The following ADGRB1 variants were observed in gnomAD, a reference collection of about 807,000 sequenced individuals.
ADGRB1 encodes the protein brain-specific angiogenesis inhibitor 1.
A neutral mutation model predicts 175.7 loss-of-function variants in ADGRB1; 36 were observed. The ratio of observed to expected loss-of-function variants is 0.20; its 90% confidence interval spans 0.16 to 0.27. The LOEUF is 0.27. ADGRB1 is among the 10% of genes least tolerant of loss of function. The probability of loss-of-function intolerance (pLI) is 1.00; values close to 1 mark genes in which losing one functional copy is unlikely to be tolerated. For missense variants in ADGRB1, 1,731 were observed against 2,255.3 expected (o/e 0.77, Z 4.71); for synonymous variants, 1,054 against 979.4 (o/e 1.08, Z -1.42).
chr8:142,517,846 G>C (rs927849286), intron 18 of ADGRB1, among the ~76,000 whole-genome samples: 1 of 152,206 alleles, frequency 6.6e-6, no homozygotes, highest in African/African-American at 2.4e-5. Context: ...ACGGGGTTCC[G>C]AGACATGATG....
In ADGRB1 at chr8:142,464,541, C is replaced by G; in HGVS notation, c.343C>G (p.Leu115Val). Residue 115 changes from leucine to valine, a missense_variant, in exon 2 of 31, where the codon CTG becomes GTG. By Grantham distance (32) the Leu-to-Val change is conservative. Around this residue, in one of 8 missense-constraint regions of ADGRB1, gnomAD observed 383 missense variants for 383.1 expected, o/e 1.00. Coordinates refer to ENST00000517894, the MANE Select transcript of ADGRB1 (RefSeq NM_001702.3). ...DSFLESTRTY[L>V]GVESFDEVLR... ...CTTCCTCGAGTCCACGCGCACCTAC[C>G]TGGGCGTGGAGAGCTTCGACGAGGT... 6.4e-7 allele frequency: 1 copy of G among 1,564,476 alleles called. No homozygotes were observed.
chr8:142,497,869 G>C (rs1842295103), intron 17 of ADGRB1, among the ~76,000 whole-genome samples: 2 of 152,310 alleles, frequency 1.3e-5, no homozygotes, highest in South Asian at 4.1e-4. Flanking sequence ...AGAGCTGGAG[G>C]GAATGGACCA....
intron 25 of ADGRB1, among the ~76,000 whole-genome samples, chr8:142,534,297 G>A (rs776765995): frequency 8.2e-4 from 125 of 152,208 alleles, no homozygotes; most frequent in Non-Finnish European, 8.5e-4. Context: ...CTGGTTTTCC[G>A]GCCTTAGGTG....
At chr8:142,473,437 G>T (rs755246412) in intron 2 of ADGRB1, among the ~76,000 whole-genome samples, 1 of 152,218 alleles carries the variant, frequency 6.6e-6, no homozygotes, top group Non-Finnish European at 1.5e-5. Flanking sequence ...GGGGATGGGG[G>T]CGTTTGGAAT....
intron 13 of ADGRB1, 83 bp downstream of exon 13, chr8:142,484,847 G>C (rs975570816): frequency 1.0e-5 from 11 of 1,056,742 alleles, no homozygotes; most frequent in Middle Eastern, 2.0e-4. Context: ...ATCCTCATCT[G>C]TATAAAGGGG....
chr8:142,475,667 G>A, intron 3 of ADGRB1, 32 bp downstream of exon 3: 1 of 1,180,456 alleles, frequency 8.5e-7, no homozygotes, highest in Non-Finnish European at 1.0e-6. Flanking sequence ...CGGAGCCGGA[G>A]CCCTGGAGAG....
chr8:142,542,606 A>T lies in ADGRB1; in HGVS notation c.4372A>T (p.Lys1458Ter). 6.5e-7 allele frequency: 1 copy of T among 1,548,472 alleles called. No homozygotes were observed. The stretch of plus-strand genomic sequence containing the variant: ...GGGACCCAGCACGGGGCCCAGCACC[A>T]AGAACGAGAATGTCGCCACCTTGTC... Reference protein sequence around the residue: ...HPGPSTGPSTKNENVATLSVS... With the variant: ...HPGPSTGPST The change falls in exon 28 of 31, where the codon AAG (lysine) becomes TAG (stop). Residue 1458 changes from lysine (K) to a stop codon, truncating the protein, a stop_gained. Transcript: ENST00000517894. LOFTEE classifies it high-confidence loss of function. This position sits in a 1 kb window ranked among gnomAD's most constrained non-coding sequence, Gnocchi z 6.3.
At position 142,492,034 on chromosome 8, in the gene ADGRB1, TG is replaced by T. The variant is rs1413201890; in HGVS notation, c.2675+1224del. Among the ~76,000 whole-genome samples the T allele has an allele frequency of 6.6e-6, 1 of 151,886 alleles. No individual in the cohort carries two copies. Among genetic ancestry groups the T allele is most frequent in the Non-Finnish European group, 1.5e-5 (1 of 67,944 alleles). ...GCCGCGGCAGGGTGAGGACAGTTAG[TG>T]GGGGCTGGGTGTCATGACTCTCCAC... On this transcript the variant is annotated intron_variant, in intron 17 of 30. Coordinates refer to ENST00000517894, the MANE Select transcript of ADGRB1 (RefSeq NM_001702.3). The surrounding 1 kb of genome is among the most constrained non-coding windows in gnomAD (Gnocchi z 4.4).
At chr8:142,498,963 C>T (rs912683053) in intron 17 of ADGRB1, among the ~76,000 whole-genome samples, 10 of 151,806 alleles carry the variant, frequency 6.6e-5, no homozygotes, top group African/African-American at 2.4e-4. Flanking sequence ...CTCTCTCTCC[C>T]TCTCTTGGGA....
intron 17 of ADGRB1, among the ~76,000 whole-genome samples, chr8:142,501,891 A>G (rs56029207): frequency 1.5e-3 from 7 of 4,662 alleles, no homozygotes; most frequent in African/African-American, 4.6e-3. Flanking sequence ...GGTGATGGTG[A>G]GGGTGATGTG....
At position 142,539,432 on chromosome 8, in the gene ADGRB1, A is replaced by G. The variant is rs919346971; in HGVS notation, c.3706+19A>G. On this transcript the variant is annotated intron_variant, in intron 27 of 30. Coordinates refer to ENST00000517894, the MANE Select transcript of ADGRB1 (RefSeq NM_001702.3). ...AGATCAGGTGAGCGCCCGACAGGTG[A>G]GAGGACAGTGCCAGCCCGGCCCCCT... is the stretch of plus-strand genomic sequence containing the variant. 5.6e-6 allele frequency: 9 copies of G among 1,600,666 alleles called. No homozygotes were observed. The highest frequency in any genetic ancestry group is 1.3e-5 in the African/African-American group (1 of 74,698).
At position 142,464,584 on chromosome 8, in the gene ADGRB1, C is replaced by G. The variant is rs1428384472; in HGVS notation, c.386C>G (p.Pro129Arg). 6.5e-7 allele frequency: 1 copy of G among 1,533,690 alleles called. No individual in the cohort carries two copies. The highest frequency in any genetic ancestry group is 8.8e-7 in the Non-Finnish European group (1 of 1,142,696). Residue 129 changes from proline (P) to arginine (R), a missense_variant, in exon 2 of 31, where the codon CCC (proline) becomes CGC (arginine). This residue lies in a region of ADGRB1 where 383 missense variants were observed against 383.1 expected (regional missense o/e 1.00). Coordinates refer to ENST00000517894, the MANE Select transcript of ADGRB1 (RefSeq NM_001702.3). ...GACGAGGTGCTGCGGCTCTGCGACC[C>G]CTCCGCACCCCTGGCCTTCCTGCAG... The part of the protein sequence containing the change: ...SFDEVLRLCD[P>R]SAPLAFLQAS...
intron 17 of ADGRB1, among the ~76,000 whole-genome samples, chr8:142,498,351 A>G (rs1035469452): frequency 6.6e-6 from 1 of 152,142 alleles, no homozygotes; most frequent in African/African-American, 2.4e-5. Context: ...CCCCGTGTTA[A>G]CAGGGTCACT....
chr8:142,543,342 G>T lies in ADGRB1; in HGVS notation c.4414-61G>T. The stretch of plus-strand genomic sequence containing the variant: ...CCCTGATGCCCTCAGTCTGAGGCAG[G>T]GAGAGGCGTGGACTTGTCAGGGACC... On this transcript the variant is annotated intron_variant, in intron 28 of 30. Coordinates refer to ENST00000517894, the MANE Select transcript of ADGRB1 (RefSeq NM_001702.3). The surrounding 1 kb of genome is among the most constrained non-coding windows in gnomAD (Gnocchi z 4.4). The T allele has an allele frequency of 1.2e-6, 2 of 1,604,182 alleles. No individual in the cohort carries two copies. Among genetic ancestry groups the T allele is most frequent in the East Asian group, 2.2e-5 (1 of 44,562 alleles).
rs1841809269 is a variant in ADGRB1 at position 142,488,517 on chromosome 8, C to T, written c.2452+10C>T. 1.9e-6 allele frequency: 3 copies of T among 1,610,842 alleles called. No individual in the cohort carries two copies. Among genetic ancestry groups the T allele is most frequent in the Non-Finnish European group, 2.5e-6 (3 of 1,178,530 alleles). ...TCCACGGGGCTGACAGGTGAGGGGC[C>T]CAGGGAGTGGAGGGGGACCTTCATG... On this transcript the variant is annotated intron_variant, in intron 14 of 30. Transcript: ENST00000517894.
At chr8:142,482,556 AT>A (rs1156276841) in intron 11 of ADGRB1, among the ~76,000 whole-genome samples, 2 of 148,832 alleles carry the variant, frequency 1.3e-5, no homozygotes, top group African/African-American at 2.5e-5. Flanking sequence ...GATCCTGGTC[AT>A]GCTGAGCCCT....
chr8:142,489,611 A>C (rs1841888179), intron 16 of ADGRB1, among the ~76,000 whole-genome samples, 173 bp downstream of exon 16: 1 of 152,134 alleles, frequency 6.6e-6, no homozygotes, highest in Non-Finnish European at 1.5e-5. Context: ...AGGTGCGGTG[A>C]CTTGCCCGGG....
chr8:142,515,230 G>A (rs1315829751), intron 18 of ADGRB1, among the ~76,000 whole-genome samples: 1 of 152,234 alleles, frequency 6.6e-6, no homozygotes, highest in Admixed American at 6.5e-5. Context: ...GCAAGGGCCT[G>A]GGCCGCGCTG....
intron 17 of ADGRB1, among the ~76,000 whole-genome samples, chr8:142,500,249 C>T (rs1463190424): frequency 2.4e-5 from 3 of 123,848 alleles, no homozygotes; most frequent in Non-Finnish European, 5.4e-5. Flanking sequence ...CCCCACGCGC[C>T]GCTCCTCCAC....
Sources: gnomAD v4.1 joint callset for allele counts (sites outside exome capture counted in the v4.1 genomes callset) on GRCh38, gnomAD v4.1.1 for gene constraint, gnomAD v4.1.1 regional missense constraint, Gnocchi (gnomAD v3.1) non-coding constraint, MANE v1.5 for transcripts, NCBI Gene and HGNC (gene_info 2026-07-23, HGNC 2026-07-21) for gene names.